Variants in AKT2 observed in about 807,000 individuals in gnomAD.
AKT2 encodes the protein RAC-beta serine/threonine-protein kinase.
AKT2 carries 16 observed loss-of-function variants against 58.6 expected under a neutral mutation model. The ratio of observed to expected loss-of-function variants is 0.27; its 90% CI spans 0.18 to 0.41. The LOEUF (loss-of-function observed/expected upper bound fraction) is 0.41, where lower values mean the gene tolerates loss of function less well. Among genes scored for constraint, AKT2 ranks in the 10% least tolerant of loss-of-function variants. The pLI, the probability that AKT2 is intolerant of heterozygous loss-of-function variation, is 1.00. For synonymous variants in AKT2, 253 were observed against 254.0 expected (o/e 1.00, Z 0.04); for missense variants, 438 against 661.0 (o/e 0.66, Z 3.70).
intron 1 of AKT2, chr19:40,275,605 A>G (rs553807358): frequency 8.3e-4 from 237 of 285,374 alleles, no homozygotes; most frequent in African/African-American, 4.5e-3. Flanking sequence ...ACCTTTCCAT[A>G]ACGACAGAAA....
intron 6 of AKT2, among the ~76,000 whole-genome samples, chr19:40,240,603 A>C (rs1974340404): frequency 6.6e-6 from 1 of 152,158 alleles, no homozygotes; most frequent in Non-Finnish European, 1.5e-5. Context: ...TGGGCCCAGC[A>C]CTGTCTCACA....
Position 40,232,859 on chromosome 19 carries a change from GA to G in AKT2, c.*1012del, listed in dbSNP as rs1973780805. ...AGGCTGCAGAACGTGGGGCCCTGGG[GA>G]GAGGGAGGGGTGAGGGGGGCCTAGG... On this transcript the variant is annotated 3_prime_UTR_variant, in exon 14 of 14. Coordinates refer to ENST00000392038, the MANE Select transcript of AKT2 (RefSeq NM_001626.6). 1 of 237,592 alleles carries G rather than the reference GA, an allele frequency of 4.2e-6. No individual in the cohort carries two copies. Among genetic ancestry groups the G allele is most frequent in the Admixed American group, 5.5e-5 (1 of 18,060 alleles). 14.7% of individuals were successfully genotyped at this position (237,592 alleles called of 1,614,324 possible).
chr19:40,234,958 G>C lies in AKT2; in HGVS notation c.1366+87C>G. 1 of 1,230,190 alleles carries C rather than the reference G, an allele frequency of 8.1e-7. No homozygotes were observed. The highest frequency in any genetic ancestry group is 1.9e-4 in the Middle Eastern group (1 of 5,348). The allele number at this position is 1,230,190 out of a possible 1,614,324, so 76.2% of individuals were successfully genotyped here. ...CAGACATGAAGCGGGGGCCTTCGAG[G>C]GCCCTCCTTGAGAAGTGAGTTAAGA... On this transcript the variant is annotated intron_variant, in intron 13 of 13. Transcript: ENST00000392038. This position sits in a 1 kb window ranked among gnomAD's most constrained non-coding sequence, Gnocchi z 4.7.
rs143987939 is a variant in AKT2, at chr19:40,252,517, G to A, written c.287+2641C>T. Reference sequence around the variant, plus strand: ...TGTGCCAGGTACTGCTGCATCAGCCGCTCCTATTTATCATTCCCCTGCATC... The same window carrying A: ...TGTGCCAGGTACTGCTGCATCAGCCACTCCTATTTATCATTCCCCTGCATC... On this transcript the variant is annotated intron_variant, in intron 4 of 13. Transcript: ENST00000392038. Among the ~76,000 whole-genome samples, 166 of 152,242 alleles carry A rather than the reference G, an allele frequency of 1.1e-3. 2 individuals carry two copies. Among genetic ancestry groups the A allele is most frequent in the Middle Eastern group, 0.01 (3 of 294 alleles).
chr19:40,251,686 A>C (rs954631272), intron 4 of AKT2, among the ~76,000 whole-genome samples: 3 of 152,258 alleles, frequency 2.0e-5, no homozygotes, highest in Non-Finnish European at 2.9e-5. Context: ...AATGTTCTAA[A>C]GGTTGCATAT....
intron 4 of AKT2, chr19:40,243,067 G>T: frequency 3.3e-6 from 1 of 304,312 alleles, no homozygotes; most frequent in East Asian, 7.9e-5. Flanking sequence ...GCTTGAACCC[G>T]GGAGGCGGAG....
intron 1 of AKT2, among the ~76,000 whole-genome samples, chr19:40,284,475 C>T (rs957532959): frequency 6.6e-6 from 1 of 152,150 alleles, no homozygotes; most frequent in African/African-American, 2.4e-5. Context: ...ACGTTCCCTC[C>T]AGAGTCGTTA....
At chr19:40,276,532 A>C (rs542627373) in intron 1 of AKT2, among the ~76,000 whole-genome samples, 1 of 151,326 alleles carries the variant, frequency 6.6e-6, no homozygotes, top group South Asian at 2.1e-4. Flanking sequence ...CACCTGGCTA[A>C]TTTTTGTATT....
chr19:40,282,678 G>T, intron 1 of AKT2: 2 of 371,090 alleles, frequency 5.4e-6, no homozygotes, highest in Non-Finnish European at 5.6e-6. Flanking sequence ...CATGGCACTA[G>T]GGGCTCAGTG....
intron 1 of AKT2, among the ~76,000 whole-genome samples, chr19:40,282,043 C>G (rs867857586): frequency 6.6e-6 from 1 of 152,166 alleles, no homozygotes; most frequent in Admixed American, 6.6e-5. Context: ...CTCTCACTCG[C>G]TTCCATACAC....
chr19:40,284,063 T>C (rs1242028643), intron 1 of AKT2, among the ~76,000 whole-genome samples: 1 of 152,010 alleles, frequency 6.6e-6, no homozygotes, highest in Admixed American at 6.6e-5. Context: ...TCTGGGAAGG[T>C]AGGAGTGGAT....
intron 1 of AKT2, among the ~76,000 whole-genome samples, chr19:40,277,539 C>T (rs114450855): frequency 7.6e-4 from 116 of 152,296 alleles, no homozygotes; most frequent in African/African-American, 2.8e-3. Flanking sequence ...CCCATCATAG[C>T]CCAGGCCCTG....
intron 1 of AKT2, among the ~76,000 whole-genome samples, chr19:40,276,318 T>G: frequency 7.3e-6 from 1 of 136,890 alleles, no homozygotes; most frequent in Non-Finnish European, 1.5e-5. Flanking sequence ...TCTCTGAACC[T>G]CAGCTTCCGC....
intron 1 of AKT2, among the ~76,000 whole-genome samples, chr19:40,268,380 T>C (rs572248322): frequency 6.6e-6 from 1 of 152,322 alleles, no homozygotes; most frequent in South Asian, 2.1e-4. Context: ...ATGGCTGCCA[T>C]TATTCCAGAG....
At chr19:40,239,181 C>A (rs1231675130) in intron 7 of AKT2, 1 of 561,680 alleles carries the variant, frequency 1.8e-6, no homozygotes, top group Non-Finnish European at 3.2e-6. Context: ...GAAAGGGTTA[C>A]ATGCTGAACC....
chr19:40,276,503 T>G (rs1004087640), intron 1 of AKT2, among the ~76,000 whole-genome samples: 1 of 151,310 alleles, frequency 6.6e-6, no homozygotes, highest in African/African-American at 2.4e-5. Context: ...ATAGCTAGGA[T>G]TATAGGCACC....
At chr19:40,284,192 C>A (rs964935981) in intron 1 of AKT2, among the ~76,000 whole-genome samples, 1 of 152,076 alleles carries the variant, frequency 6.6e-6, no homozygotes, top group African/African-American at 2.4e-5. Flanking sequence ...CAAGATGCCC[C>A]CAGAGAGCTT....
At chr19:40,241,565 G>C in intron 6 of AKT2, 1 of 281,134 alleles carries the variant, frequency 3.6e-6, no homozygotes, top group Non-Finnish European at 6.9e-6. Context: ...ATTCAAATAA[G>C]GGAAAAAGTA....
At chr19:40,261,426 A>AG (rs1400720026) in intron 2 of AKT2, among the ~76,000 whole-genome samples, 1 of 151,622 alleles carries the variant, frequency 6.6e-6, no homozygotes, top group Non-Finnish European at 1.5e-5. Context: ...CCAGCTACTC[A>AG]GGAGGCTGAA....
Sources: gnomAD v4.1 joint callset for allele counts (sites outside exome capture counted in the v4.1 genomes callset) on GRCh38, gnomAD v4.1.1 for gene constraint, Gnocchi (gnomAD v3.1) non-coding constraint, MANE v1.5 for transcripts, NCBI Gene and HGNC (gene_info 2026-07-23, HGNC 2026-07-21) for gene names.